LHCGR: variants seen among roughly 807,000 people sequenced by gnomAD.
The protein encoded by LHCGR is lutropin-choriogonadotropic hormone receptor.
In LHCGR, 55 loss-of-function variants were observed where a neutral mutation model predicts 60.7. The ratio of observed to expected loss-of-function variants is 0.91; its 90% CI spans 0.73 to 1.13. The LOEUF (loss-of-function observed/expected upper bound fraction) is 1.13, where lower values mean the gene tolerates loss of function less well. Ranked by LOEUF, LHCGR falls within the 50% of genes most tolerant of loss-of-function variation. The pLI is 0.00. For missense variants in LHCGR, 862 were observed against 836.0 expected (o/e 1.03, Z -0.38); for synonymous variants, 337 against 316.5 (o/e 1.06, Z -0.69).
At chr2:48,695,393 C>T (rs892845142) in intron 9 of LHCGR, among the ~76,000 whole-genome samples, 6 of 152,210 alleles carry the variant, frequency 3.9e-5, no homozygotes, top group African/African-American at 1.2e-4. Flanking sequence ...AAGGGTATTT[C>T]CTAGGTTTTC....
intron 1 of LHCGR, among the ~76,000 whole-genome samples, chr2:48,741,640 C>G (rs1233926904): frequency 6.6e-6 from 1 of 151,264 alleles, no homozygotes; most frequent in African/African-American, 2.4e-5. Context: ...CAAGCAAATG[C>G]TGAGAGATTT....
chr2:48,748,542 T>C (rs1198821953), intron 1 of LHCGR, among the ~76,000 whole-genome samples: 1 of 152,232 alleles, frequency 6.6e-6, no homozygotes, highest in Non-Finnish European at 1.5e-5. Flanking sequence ...ACTTTCCAGG[T>C]TGAGAAGGCC....
At chr2:48,694,698 T>C (rs2104381754) in intron 9 of LHCGR, among the ~76,000 whole-genome samples, 1 of 152,174 alleles carries the variant, frequency 6.6e-6, no homozygotes, top group East Asian at 1.9e-4. Flanking sequence ...GGTTTTGAAT[T>C]GTAACTGGGC....
chr2:48,732,979 C>G (rs1451744987), intron 1 of LHCGR: 1 of 531,702 alleles, frequency 1.9e-6, no homozygotes, highest in East Asian at 5.4e-5. Flanking sequence ...AAGAAATCTT[C>G]TTGTGATGGC....
chr2:48,686,950 G>A lies in LHCGR; in HGVS notation c.*747C>T, dbSNP rs894998962. The A allele has an allele frequency of 6.6e-6, 1 of 152,156 alleles. No homozygotes were observed. The highest frequency in any genetic ancestry group is 2.4e-5 in the African/African-American group (1 of 41,454). The allele number at this position is 152,156 out of a possible 1,614,324, so 9.4% of individuals were successfully genotyped here. On this transcript the variant is annotated 3_prime_UTR_variant, in exon 11 of 11. Transcript: ENST00000294954. The stretch of plus-strand genomic sequence containing the variant: ...GGAAAACAAAATGCACTGAGACAGG[G>A]TTCCTACTCACGAGGAGTTTACAGT...
intron 8 of LHCGR, among the ~76,000 whole-genome samples, chr2:48,700,006 T>C (rs1475417959): frequency 1.3e-5 from 2 of 152,124 alleles, no homozygotes; most frequent in Admixed American, 6.5e-5. Context: ...AGGGGACCAA[T>C]AGGTGATAGA....
chr2:48,755,623 G>GCTGCAA lies in LHCGR; in HGVS notation c.48_49insTTGCAG (p.Leu17_Gln18dup). 1 of 1,535,336 alleles carries GCTGCAA rather than the reference G, an allele frequency of 6.5e-7. No individual in the cohort carries two copies. Among genetic ancestry groups the GCTGCAA allele is most frequent in the Non-Finnish European group, 8.7e-7 (1 of 1,145,624 alleles). ...AGCGCTCGTGGCAGCGGCGGCTGCA[G>GCTGCAA]CAGCAGCAGCAGCTTCAGCAGCTGC... On this transcript the variant is annotated inframe_insertion, in exon 1 of 11. Transcript: ENST00000294954.
intron 6 of LHCGR, chr2:48,720,109 A>C (rs1006530057): frequency 5.9e-5 from 9 of 152,310 alleles, no homozygotes; most frequent in African/African-American, 2.2e-4. Context: ...ATTACACCCT[A>C]CTGGCATGCA....
At chr2:48,745,779 T>G (rs1669672729) in intron 1 of LHCGR, among the ~76,000 whole-genome samples, 1 of 151,504 alleles carries the variant, frequency 6.6e-6, no homozygotes, top group Admixed American at 6.6e-5. Context: ...CGCACCAGCA[T>G]GGCACATGTA....
At chr2:48,730,964 C>T (rs1668960636) in intron 2 of LHCGR, among the ~76,000 whole-genome samples, 2 of 152,046 alleles carry the variant, frequency 1.3e-5, no homozygotes, top group South Asian at 4.2e-4. Context: ...CTTTTTTTCT[C>T]CTTAAAAGGT....
Position 48,755,561 on chromosome 2 carries a change from C to T in LHCGR, c.111G>A (p.Val37=). Residue 37 remains valine (V), a synonymous_variant, in exon 1 of 11, where the codon GTG becomes GTA. Transcript: ENST00000294954. ...EALCPEPCNC[V]PDGALRCPGP... Reference sequence around the variant, plus strand: ...CGGGGCAGCGCAGGGCGCCGTCGGGCACGCAGTTGCAGGGCTCAGGGCAGA... The same window carrying T: ...CGGGGCAGCGCAGGGCGCCGTCGGGTACGCAGTTGCAGGGCTCAGGGCAGA... The T allele has an allele frequency of 1.9e-6, 3 of 1,540,656 alleles. No homozygotes were observed. Among genetic ancestry groups the T allele is most frequent in the Non-Finnish European group, 2.6e-6 (3 of 1,145,124 alleles).
chr2:48,709,974 G>A (rs62135391), intron 7 of LHCGR, among the ~76,000 whole-genome samples: 27,390 of 152,118 alleles, frequency 0.18, 2,720 homozygotes, highest in African/African-American at 0.23. Flanking sequence ...GGTGGGAACA[G>A]TGTGCATCTA....
In LHCGR at chr2:48,694,124, G is replaced by A. The variant is rs777308504; in HGVS notation, c.947+100C>T. On this transcript the variant is annotated intron_variant, in intron 10 of 10. Transcript: ENST00000294954. ...TTAAAAGTTGCTTTGCAACAGCTCC[G>A]TAACCAAGACTTGTATCAAAAGAAA... 44 of 824,022 alleles carry A rather than the reference G, an allele frequency of 5.3e-5. No homozygotes were observed. In the East Asian group the frequency reaches 8.1e-4, roughly 15 times the overall value. The allele number at this position is 824,022 out of a possible 1,614,324, so 51.0% of individuals were successfully genotyped here.
At chr2:48,698,935 G>A (rs1474971606) in intron 8 of LHCGR, 135 bp from the exon 9 acceptor site, 1 of 664,598 alleles carries the variant, frequency 1.5e-6, no homozygotes, top group Non-Finnish European at 2.5e-6. Context: ...TCCGCCTCCT[G>A]GGTTCACGCC....
At chr2:48,720,232 C>T (rs1204686321) in intron 6 of LHCGR, 2 of 152,186 alleles carry the variant, frequency 1.3e-5, no homozygotes, top group Non-Finnish European at 2.9e-5. Flanking sequence ...TCTTTGGTTA[C>T]TCTTTGAGTC....
chr2:48,726,210 C>T (rs7562693), intron 3 of LHCGR, among the ~76,000 whole-genome samples: 73,390 of 151,946 alleles, frequency 0.48, 17,926 homozygotes, highest in Admixed American at 0.55. Flanking sequence ...GCAGTTATAC[C>T]GAGGGGCACC....
intron 4 of LHCGR, 101 bp from the exon 5 acceptor site, chr2:48,723,797 T>C: frequency 1.2e-6 from 1 of 859,716 alleles, no homozygotes; most frequent in African/African-American, 1.7e-5. Flanking sequence ...ATTTTGCAAA[T>C]ACAACTTTCA....
At position 48,709,312 on chromosome 2, in the gene LHCGR, A is replaced by G. The variant is rs3814363; in HGVS notation, c.606-290T>C. Among the ~76,000 whole-genome samples, 626 of 152,234 alleles carry G rather than the reference A, an allele frequency of 4.1e-3. 26 individuals are homozygous for G. In the East Asian group the frequency reaches 0.09, roughly 22 times the overall value. Reference sequence around the variant, plus strand: ...CCCCCTCCTGTCCTGGAGTTATGAAAGTTTACCACCAGACAGCTGGATAAG... The same window carrying G: ...CCCCCTCCTGTCCTGGAGTTATGAAGGTTTACCACCAGACAGCTGGATAAG... On this transcript the variant is annotated intron_variant, in intron 7 of 10. Coordinates refer to ENST00000294954, the MANE Select transcript of LHCGR (RefSeq NM_000233.4).
chr2:48,741,535 T>G (rs1330683087), intron 1 of LHCGR, among the ~76,000 whole-genome samples: 2 of 151,890 alleles, frequency 1.3e-5, no homozygotes, highest in African/African-American at 2.4e-5. Flanking sequence ...GGGGCCAATA[T>G]TCCACATTCT....
Sources: allele counts gnomAD v4.1 joint callset (sites outside exome capture counted in the v4.1 genomes callset), GRCh38; gene constraint gnomAD v4.1.1; transcripts MANE v1.5; gene names NCBI Gene and HGNC (gene_info 2026-07-23, HGNC 2026-07-21).